HECW2: variants seen among roughly 807,000 people sequenced by gnomAD.
HECW2 encodes E3 ubiquitin-protein ligase HECW2.
A neutral mutation model predicts 175.2 loss-of-function variants in HECW2; 61 were observed. The observed-to-expected ratio is 0.35, with a 90% CI of 0.28 to 0.43. The LOEUF (loss-of-function observed/expected upper bound fraction) is 0.43, where lower values mean the gene tolerates loss of function less well. Ranked by LOEUF, HECW2 falls within the 20% of genes least tolerant of loss-of-function variation. HECW2 has a pLI of 1.00. For missense variants in HECW2, 1,524 were observed against 2,000.5 expected (o/e 0.76, Z 4.54); for synonymous variants, 671 against 731.0 (o/e 0.92, Z 1.32).
intron 1 of HECW2, among the ~76,000 whole-genome samples, chr2:196,464,620 C>T (rs572996365): frequency 7.9e-5 from 12 of 152,256 alleles, no homozygotes; most frequent in African/African-American, 2.6e-4. Flanking sequence ...TGGCCATGCT[C>T]AAACCCGTAA....
Position 196,277,814 on chromosome 2 carries a change from T to C in HECW2, c.3135+714A>G, listed in dbSNP as rs1690015327. ...TACGCAGCCATAAAAAATGATGAGTTCATGTCCTTTGTAGGGACATGGGTG... is the reference window on the plus strand; with the variant it reads ...TACGCAGCCATAAAAAATGATGAGTCCATGTCCTTTGTAGGGACATGGGTG... On this transcript the variant is annotated intron_variant, in intron 15 of 28. Coordinates refer to ENST00000644978, the MANE Select transcript of HECW2 (RefSeq NM_001348768.2). Among the ~76,000 whole-genome samples, 2 of 151,904 alleles carry C rather than the reference T, an allele frequency of 1.3e-5. 1 individual carries two copies. Among genetic ancestry groups the C allele is most frequent in the African/African-American group, 4.8e-5 (2 of 41,334 alleles).
At chr2:196,385,094 T>C (rs911483470) in intron 2 of HECW2, among the ~76,000 whole-genome samples, 1 of 152,082 alleles carries the variant, frequency 6.6e-6, no homozygotes, top group African/African-American at 2.4e-5. Context: ...TTTTTATTTG[T>C]AGAGACAGGG....
intron 1 of HECW2, among the ~76,000 whole-genome samples, chr2:196,593,196 G>A (rs1408758812): frequency 6.6e-6 from 1 of 151,222 alleles, no homozygotes; most frequent in Non-Finnish European, 1.5e-5. Flanking sequence ...GTTACGCCAC[G>A]GCCCCCGCGC....
chr2:196,263,185 C>A (rs919671861), intron 17 of HECW2: 3 of 152,196 alleles, frequency 2.0e-5, no homozygotes, highest in Admixed American at 1.3e-4. Flanking sequence ...AGAACCTAAA[C>A]TATACAGCGA....
chr2:196,459,198 C>T (rs895480281), intron 1 of HECW2, among the ~76,000 whole-genome samples: 1 of 152,160 alleles, frequency 6.6e-6, no homozygotes, highest in African/African-American at 2.4e-5. Context: ...TCAGATTAGA[C>T]AGGGAAGGCA....
chr2:196,511,393 T>C (rs1687948143), intron 1 of HECW2, among the ~76,000 whole-genome samples: 1 of 152,228 alleles, frequency 6.6e-6, no homozygotes, highest in South Asian at 2.1e-4. Flanking sequence ...GAATGCTGTA[T>C]TGTGTACTGC....
At chr2:196,271,076 A>T in intron 17 of HECW2, 117 bp downstream of exon 17, 2 of 660,008 alleles carry the variant, frequency 3.0e-6, no homozygotes, top group Non-Finnish European at 5.4e-6. Flanking sequence ...TGCATACAAG[A>T]TGTTTTGCAA....
chr2:196,587,328 A>G (rs890268363), intron 1 of HECW2, among the ~76,000 whole-genome samples: 3 of 152,228 alleles, frequency 2.0e-5, no homozygotes, highest in Non-Finnish European at 4.4e-5. Context: ...TTTGGTCCTA[A>G]TGGGGATAGC....
intron 14 of HECW2, among the ~76,000 whole-genome samples, chr2:196,278,981 T>C (rs1690082825): frequency 6.6e-6 from 1 of 152,188 alleles, no homozygotes. Context: ...TTCTCTTAAC[T>C]GATGGTCTTT....
intron 1 of HECW2, among the ~76,000 whole-genome samples, chr2:196,530,936 G>A (rs541012651): frequency 5.3e-5 from 8 of 151,998 alleles, no homozygotes; most frequent in Non-Finnish European, 8.8e-5. Flanking sequence ...ATGAGTTCTC[G>A]CACATGTTCC....
chr2:196,215,403 GAA>G (rs1687440100), intron 28 of HECW2, among the ~76,000 whole-genome samples: 1 of 152,196 alleles, frequency 6.6e-6, no homozygotes, highest in African/African-American at 2.4e-5. Flanking sequence ...CTATGAATGA[GAA>G]TACAATGCAG....
chr2:196,419,861 C>T (rs1695362165), intron 2 of HECW2, among the ~76,000 whole-genome samples: 1 of 152,116 alleles, frequency 6.6e-6, no homozygotes, highest in African/African-American at 2.4e-5. Flanking sequence ...GTCCCGTACC[C>T]CCACTCCAAA....
At chr2:196,248,597 G>GACACAGACACAC (rs1553636702) in intron 19 of HECW2, among the ~76,000 whole-genome samples, 1 of 143,922 alleles carries the variant, frequency 6.9e-6, no homozygotes, top group Admixed American at 7.0e-5. Flanking sequence ...GAGACAGACA[G>GACACAGACACAC]ACACACACAC....
intron 17 of HECW2, chr2:196,260,287 A>C (rs1157484142): frequency 6.6e-6 from 1 of 152,262 alleles, no homozygotes; most frequent in Non-Finnish European, 1.5e-5. Flanking sequence ...CTACCAGGCC[A>C]GCTAATTCAT....
intron 1 of HECW2, among the ~76,000 whole-genome samples, chr2:196,489,049 G>A (rs1171539246): frequency 1.3e-5 from 2 of 152,118 alleles, no homozygotes; most frequent in African/African-American, 2.4e-5. Context: ...GGAGTAACAC[G>A]AATAGAGTTA....
chr2:196,269,224 C>A (rs917138989), intron 17 of HECW2: 1 of 151,948 alleles, frequency 6.6e-6, no homozygotes, highest in African/African-American at 2.4e-5. Context: ...GTGACTCATG[C>A]CTGTAATCCC....
chr2:196,483,292 C>A (rs1686903980), intron 1 of HECW2, among the ~76,000 whole-genome samples: 1 of 152,100 alleles, frequency 6.6e-6, no homozygotes, highest in Admixed American at 6.5e-5. Context: ...ACATGCCAGG[C>A]ATTATGCTAA....
At chr2:196,325,538 G>C (rs867442622) in intron 5 of HECW2, among the ~76,000 whole-genome samples, 1 of 152,102 alleles carries the variant, frequency 6.6e-6, no homozygotes, top group East Asian at 1.9e-4. Flanking sequence ...CTTTTTCCTA[G>C]GGCAATGTAA....
At chr2:196,413,492 C>T (rs929047032) in intron 2 of HECW2, among the ~76,000 whole-genome samples, 1 of 152,006 alleles carries the variant, frequency 6.6e-6, no homozygotes, top group Admixed American at 6.6e-5. Context: ...ATTACAGGCA[C>T]GCACCACCAT....
Sources: gnomAD v4.1 joint callset for allele counts (sites outside exome capture counted in the v4.1 genomes callset) on GRCh38, gnomAD v4.1.1 for gene constraint, MANE v1.5 for transcripts, NCBI Gene and HGNC (gene_info 2026-07-23, HGNC 2026-07-21) for gene names.